The following NEK6 variants were observed in gnomAD, a reference collection of about 807,000 sequenced individuals.
NEK6 encodes NIMA related kinase 6, also known as serine/threonine-protein kinase Nek6.
A neutral mutation model predicts 43.5 loss-of-function variants in NEK6; 27 were observed. The ratio of observed to expected loss-of-function variants is 0.62; its 90% CI spans 0.46 to 0.86. The LOEUF is 0.86. Among genes scored for constraint, NEK6 ranks in the 40% least tolerant of loss-of-function variants. The probability of loss-of-function intolerance (pLI) is 0.00; values close to 1 mark genes in which losing one functional copy is unlikely to be tolerated. For missense variants in NEK6, 318 were observed against 414.4 expected (o/e 0.77, Z 2.02); for synonymous variants, 167 against 164.1 (o/e 1.02, Z -0.14).
At chr9:124,313,860 C>A in intron 3 of NEK6, 63 bp from the exon 4 acceptor site, 1 of 1,565,012 alleles carries the variant, frequency 6.4e-7, no homozygotes, top group Non-Finnish European at 8.8e-7. Context: ...GACCCCGTGG[C>A]CTCCTTTGGG....
rs1363991735 is a variant in NEK6, at chr9:124,313,377, G to GT, written c.232-536dup. On this transcript the variant is annotated intron_variant, in intron 3 of 9. Transcript: ENST00000320246. Reference sequence around the variant, plus strand: ...AAGGACCAGTTTCTCTCTTGATCTTGTTTTTTTTTTGAGATAGAGTCTCAG... The same window carrying GT: ...AAGGACCAGTTTCTCTCTTGATCTTGTTTTTTTTTTTGAGATAGAGTCTCAG... Among the ~76,000 whole-genome samples the GT allele has an allele frequency of 6.1e-3, 905 of 148,516 alleles. 7 individuals carry two copies. Among genetic ancestry groups the GT allele is most frequent in the African/African-American group, 0.013 (534 of 40,540 alleles).
chr9:124,327,487 C>A, intron 7 of NEK6, 42 bp downstream of exon 7: 1 of 1,496,272 alleles, frequency 6.7e-7, no homozygotes, highest in Non-Finnish European at 9.3e-7. Flanking sequence ...CCCAGCGGTC[C>A]TGGTGACCAT....
intron 7 of NEK6, among the ~76,000 whole-genome samples, chr9:124,331,508 G>A (rs1052018634): frequency 6.6e-6 from 1 of 152,162 alleles, no homozygotes; most frequent in African/African-American, 2.4e-5. Flanking sequence ...GCCCAGGGAA[G>A]GGGTCGAGAG....
chr9:124,350,125 C>T (rs1394796624), intron 9 of NEK6, among the ~76,000 whole-genome samples: 2 of 151,986 alleles, frequency 1.3e-5, no homozygotes, highest in South Asian at 2.1e-4. Flanking sequence ...GCTGCTGCTT[C>T]GGCTGCTGTG....
chr9:124,321,647 TC>T, intron 5 of NEK6, 78 bp downstream of exon 5: 2 of 972,410 alleles, frequency 2.1e-6, no homozygotes, highest in Non-Finnish European at 1.6e-6. Context: ...TTTAGCCCAG[TC>T]CCACAATGCT....
chr9:124,327,732 C>T (rs1373244495), intron 7 of NEK6, among the ~76,000 whole-genome samples: 3 of 152,198 alleles, frequency 2.0e-5, no homozygotes, highest in Non-Finnish European at 2.9e-5. Flanking sequence ...TGGCACAGGG[C>T]GGTCATCTTC....
intron 7 of NEK6, among the ~76,000 whole-genome samples, chr9:124,331,259 C>CAAAAAAAAAAAAAA (rs779194493): frequency 1.0e-5 from 1 of 95,282 alleles, no homozygotes; most frequent in African/African-American, 4.0e-5. Flanking sequence ...GACTCTGTCT[C>CAAAAAAAAAAAAAA]AAAAAAAAAA....
intron 1 of NEK6, 132 bp downstream of exon 1, chr9:124,258,217 C>T: frequency 3.1e-6 from 3 of 975,542 alleles, no homozygotes; most frequent in Non-Finnish European, 3.6e-6. Flanking sequence ...CGGGGGAGAG[C>T]GGGAGGCGGG....
intron 8 of NEK6, among the ~76,000 whole-genome samples, chr9:124,347,198 C>T (rs1171118545): frequency 1.3e-5 from 2 of 152,332 alleles, no homozygotes; most frequent in South Asian, 4.1e-4. Context: ...AGCAGCTCTG[C>T]GAGGGGCTGG....
chr9:124,295,797 G>A (rs1188600691), intron 1 of NEK6, among the ~76,000 whole-genome samples: 1 of 152,208 alleles, frequency 6.6e-6, no homozygotes, highest in Non-Finnish European at 1.5e-5. Flanking sequence ...TACAGCCCCT[G>A]GGCTTGCGCT....
chr9:124,339,873 GA>G (rs1829503685), intron 8 of NEK6, among the ~76,000 whole-genome samples: 1 of 148,504 alleles, frequency 6.7e-6, no homozygotes, highest in South Asian at 2.2e-4. Flanking sequence ...GAGGCTGTTA[GA>G]GGGTGGACAG....
chr9:124,286,745 CCTT>C (rs1401239561), intron 1 of NEK6, among the ~76,000 whole-genome samples: 1 of 152,222 alleles, frequency 6.6e-6, no homozygotes, highest in Non-Finnish European at 1.5e-5. Context: ...GGCCTGGTCA[CCTT>C]CTGATTTCTG....
chr9:124,334,154 C>T (rs1829172974), intron 7 of NEK6, among the ~76,000 whole-genome samples: 1 of 152,192 alleles, frequency 6.6e-6, no homozygotes, highest in Non-Finnish European at 1.5e-5. Flanking sequence ...TCCCTGCCTC[C>T]TGATGGGCCC....
intron 4 of NEK6, among the ~76,000 whole-genome samples, chr9:124,314,989 A>C (rs1352940090): frequency 6.6e-6 from 1 of 152,230 alleles, no homozygotes; most frequent in Non-Finnish European, 1.5e-5. Context: ...TTTGCTCGGC[A>C]GTTTCCAGCA....
At chr9:124,289,200 C>T (rs1370196886) in intron 1 of NEK6, among the ~76,000 whole-genome samples, 4 of 51,014 alleles carry the variant, frequency 7.8e-5, no homozygotes, top group Non-Finnish European at 1.9e-4. Flanking sequence ...CACACACACA[C>T]ACACACACAC....
At chr9:124,270,210 C>T (rs1425373410) in intron 1 of NEK6, among the ~76,000 whole-genome samples, 3 of 152,150 alleles carry the variant, frequency 2.0e-5, no homozygotes, top group Non-Finnish European at 2.9e-5. Context: ...ACAGAGGCCT[C>T]GAAAGGTTGA....
chr9:124,308,523 G>A lies in NEK6; in HGVS notation c.91-3986G>A, dbSNP rs548916510. Among the ~76,000 whole-genome samples the A allele has an allele frequency of 1.3e-3, 204 of 152,250 alleles. 1 individual carries two copies. Among genetic ancestry groups the A allele is most frequent in the African/African-American group, 4.8e-3 (199 of 41,550 alleles). On this transcript the variant is annotated intron_variant, in intron 2 of 9. Transcript: ENST00000320246. ...AAAAAATTTAGCCCAGTGTGGTGGCGGGCACCTGCTACTCCCCAGCTACTT... is the reference window on the plus strand; with the variant it reads ...AAAAAATTTAGCCCAGTGTGGTGGCAGGCACCTGCTACTCCCCAGCTACTT...
At chr9:124,327,275 C>G in intron 6 of NEK6, 63 bp from the exon 7 acceptor site, 2 of 1,359,012 alleles carry the variant, frequency 1.5e-6, no homozygotes, top group South Asian at 1.2e-5. Flanking sequence ...CCCTTCCTCT[C>G]GTCCTGCCCC....
intron 7 of NEK6, among the ~76,000 whole-genome samples, chr9:124,338,692 C>A (rs1378421004): frequency 6.6e-6 from 1 of 152,210 alleles, no homozygotes; most frequent in Non-Finnish European, 1.5e-5. Flanking sequence ...GTTTCTGGAA[C>A]CTGAGGGTCT....
Sources: allele counts gnomAD v4.1 joint callset (sites outside exome capture counted in the v4.1 genomes callset), GRCh38; gene constraint gnomAD v4.1.1; transcripts MANE v1.5; gene names NCBI Gene and HGNC (gene_info 2026-07-23, HGNC 2026-07-21).